The following MBTPS1 variants were observed in gnomAD, a reference collection of about 807,000 sequenced individuals.
MBTPS1 encodes membrane-bound transcription factor site-1 protease.
A neutral mutation model predicts 127.8 loss-of-function variants in MBTPS1; 94 were observed. The ratio of observed to expected loss-of-function variants is 0.74; its 90% CI spans 0.62 to 0.87. MBTPS1 has a LOEUF of 0.87. Ranked by LOEUF, MBTPS1 falls within the 40% of genes least tolerant of loss-of-function variation. The pLI is 0.00. For missense variants in MBTPS1, 1,636 were observed against 1,353.2 expected, an observed-to-expected ratio of 1.21 and a Z score of -3.28; for synonymous variants, 632 against 509.4, an observed-to-expected ratio of 1.24 and a Z score of -3.24.
intron 11 of MBTPS1, among the ~76,000 whole-genome samples, chr16:84,078,185 G>A (rs771204575): frequency 3.3e-5 from 5 of 149,872 alleles, no homozygotes; most frequent in Non-Finnish European, 5.9e-5. Context: ...TGCTCTCAAC[G>A]CTGACCAGCA....
intron 1 of MBTPS1, among the ~76,000 whole-genome samples, chr16:84,104,504 C>CT (rs1177655231): frequency 6.6e-6 from 1 of 152,102 alleles, no homozygotes; most frequent in Non-Finnish European, 1.5e-5. Context: ...CCTCTTAAAA[C>CT]TTTTCTGCCT....
At chr16:84,104,167 A>G (rs533541445) in intron 1 of MBTPS1, among the ~76,000 whole-genome samples, 13 of 152,344 alleles carry the variant, frequency 8.5e-5, no homozygotes, top group Admixed American at 3.9e-4. Context: ...CTCATATCAC[A>G]GTAAATGAAT....
intron 14 of MBTPS1, among the ~76,000 whole-genome samples, chr16:84,069,656 A>G (rs1567478312): frequency 6.6e-6 from 1 of 152,228 alleles, no homozygotes; most frequent in East Asian, 1.9e-4. Flanking sequence ...GAGAACTTCA[A>G]GCTTTTTACT....
chr16:84,064,507 TA>T (rs1435808915), intron 18 of MBTPS1, among the ~76,000 whole-genome samples: 1 of 152,166 alleles, frequency 6.6e-6, no homozygotes, highest in African/African-American at 2.4e-5. Flanking sequence ...AATGCCCCTT[TA>T]AAAAATTTCG....
At chr16:84,114,063 C>T (rs1200759530) in intron 1 of MBTPS1, among the ~76,000 whole-genome samples, 1 of 150,634 alleles carries the variant, frequency 6.6e-6, no homozygotes, top group Non-Finnish European at 1.5e-5. Context: ...CTCCGGGGTT[C>T]AAGCGATTCT....
chr16:84,059,553 C>G (rs902842821), intron 20 of MBTPS1, 125 bp from the exon 21 acceptor site: 6 of 819,916 alleles, frequency 7.3e-6, no homozygotes, highest in Non-Finnish European at 1.1e-5. Flanking sequence ...CCCCTGTGCT[C>G]TATTAAGCTA....
intron 16 of MBTPS1, among the ~76,000 whole-genome samples, chr16:84,067,397 G>C (rs1351930694): frequency 6.6e-6 from 1 of 152,140 alleles, no homozygotes; most frequent in Non-Finnish European, 1.5e-5. Flanking sequence ...CTGACACCCA[G>C]GCTGGAGTAC....
At chr16:84,081,577 TTCTGCCAGC>T in intron 11 of MBTPS1, 161 bp downstream of exon 11, 1 of 426,822 alleles carries the variant, frequency 2.3e-6, no homozygotes. Context: ...CAGCTACCAG[TTCTGCCAGC>T]AGCACCCTGT....
intron 8 of MBTPS1, among the ~76,000 whole-genome samples, chr16:84,090,412 C>G (rs1195443756): frequency 1.3e-5 from 2 of 152,164 alleles, no homozygotes; most frequent in Non-Finnish European, 2.9e-5. Flanking sequence ...CCGTTAGGCC[C>G]GCCAGCACTT....
At chr16:84,110,604 T>G (rs1476160013) in intron 1 of MBTPS1, 2 of 152,208 alleles carry the variant, frequency 1.3e-5, no homozygotes, top group Non-Finnish European at 2.9e-5. Flanking sequence ...ATGTAGCAGG[T>G]GCCATTCTAA....
At chr16:84,116,260 G>A (rs1338703075) in intron 1 of MBTPS1, among the ~76,000 whole-genome samples, 1 of 152,232 alleles carries the variant, frequency 6.6e-6, no homozygotes, top group Non-Finnish European at 1.5e-5. Context: ...GGCGAGGCAA[G>A]ATTTTTAAGA....
chr16:84,112,009 T>A (rs1032076816), intron 1 of MBTPS1, among the ~76,000 whole-genome samples: 2 of 151,934 alleles, frequency 1.3e-5, no homozygotes, highest in Non-Finnish European at 2.9e-5. Flanking sequence ...AAGACCAGCC[T>A]GGCCAACATA....
intron 12 of MBTPS1, among the ~76,000 whole-genome samples, chr16:84,074,141 T>A (rs989100545): frequency 6.6e-5 from 10 of 152,140 alleles, no homozygotes; most frequent in Non-Finnish European, 1.2e-4. Flanking sequence ...GTAAAATTGG[T>A]TTCATTAATT....
chr16:84,111,426 A>G (rs1467535344), intron 1 of MBTPS1, among the ~76,000 whole-genome samples: 1 of 152,144 alleles, frequency 6.6e-6, no homozygotes, highest in Non-Finnish European at 1.5e-5. Flanking sequence ...CTGTAATCCT[A>G]GCTACCCGGA....
At position 84,059,369 on chromosome 16, in the gene MBTPS1, G is replaced by A. The variant is rs773577463; in HGVS notation, c.2764C>T (p.Arg922Trp). 8 of 1,614,182 alleles carry A rather than the reference G, an allele frequency of 5.0e-6. No individual in the cohort carries two copies. Among genetic ancestry groups the A allele is most frequent in the Non-Finnish European group, 5.9e-6 (7 of 1,179,996 alleles). Residue 922 changes from arginine to tryptophan, a missense_variant, in exon 21 of 23, where the codon CGG becomes TGG. By Grantham distance (101) the Arg-to-Trp change is moderately radical. Transcript: ENST00000343411. ...LEAHLGDPKP[R>W]PLPACPRLSW... ...AAGCGTGGACAGGCTGGTAGAGGCC[G>A]AGGTTTTGGGTCTCCCAAATGGGCC...
chr16:84,068,206 A>G, intron 15 of MBTPS1, 133 bp downstream of exon 15: 1 of 678,068 alleles, frequency 1.5e-6, no homozygotes, highest in East Asian at 2.6e-5. Flanking sequence ...CCCCAGGCTC[A>G]CCCAGCTGTG....
At chr16:84,115,670 TCATTA>T (rs1180768091) in intron 1 of MBTPS1, among the ~76,000 whole-genome samples, 1 of 152,178 alleles carries the variant, frequency 6.6e-6, no homozygotes, top group Non-Finnish European at 1.5e-5. Flanking sequence ...TACGAAATAG[TCATTA>T]AAGGCAAATC....
chr16:84,081,246 A>G (rs1025824958), intron 11 of MBTPS1, among the ~76,000 whole-genome samples: 10 of 152,238 alleles, frequency 6.6e-5, no homozygotes, highest in African/African-American at 2.4e-4. Flanking sequence ...TCATTTCAAA[A>G]TAAGGGTGAA....
At chr16:84,069,772 G>T in intron 14 of MBTPS1, 94 bp downstream of exon 14, 1 of 1,205,890 alleles carries the variant, frequency 8.3e-7, no homozygotes, top group Non-Finnish European at 1.2e-6. Flanking sequence ...TCCACGAGAA[G>T]CTGAGCAACA....
Sources: allele counts gnomAD v4.1 joint callset (sites outside exome capture counted in the v4.1 genomes callset), GRCh38; gene constraint gnomAD v4.1.1; transcripts MANE v1.5; gene names NCBI Gene and HGNC (gene_info 2026-07-23, HGNC 2026-07-21).